REV3L: variants seen among roughly 807,000 people sequenced by gnomAD.
The protein encoded by REV3L is REV3 like, DNA directed polymerase zeta catalytic subunit.
Under a neutral mutation model 299.4 loss-of-function variants are expected in REV3L, and 69 were observed. The observed-to-expected ratio is 0.23, with a 90% confidence interval of 0.19 to 0.28. The LOEUF is 0.28. Among genes scored for constraint, REV3L ranks in the 10% least tolerant of loss-of-function variants. REV3L has a pLI of 1.00. For synonymous variants in REV3L, 1,238 were observed against 1,271.4 expected, an observed-to-expected ratio of 0.97 and a Z score of 0.56; for missense variants, 3,128 against 3,693.8, an observed-to-expected ratio of 0.85 and a Z score of 3.97.
intron 1 of REV3L, among the ~76,000 whole-genome samples, chr6:111,460,005 A>G (rs1790569846): frequency 6.6e-6 from 1 of 152,198 alleles, no homozygotes; most frequent in South Asian, 2.1e-4. Flanking sequence ...CAGCAAAGAC[A>G]TGGAATCAAC....
chr6:111,360,510 C>G (rs1778550131), intron 16 of REV3L: 3 of 127,628 alleles, frequency 2.4e-5, no homozygotes, highest in Non-Finnish European at 4.8e-5. Flanking sequence ...GGGTCTCTCT[C>G]TGTTGCCCAG....
At chr6:111,476,587 C>T (rs1792969053) in intron 1 of REV3L, among the ~76,000 whole-genome samples, 1 of 152,180 alleles carries the variant, frequency 6.6e-6, no homozygotes, top group Non-Finnish European at 1.5e-5. Context: ...ATAAGGGATG[C>T]TCAACCTATA....
At chr6:111,408,421 G>A (rs1467910346) in intron 3 of REV3L, among the ~76,000 whole-genome samples, 3 of 152,174 alleles carry the variant, frequency 2.0e-5, no homozygotes, top group Admixed American at 2.0e-4. Context: ...GGCCAAGATG[G>A]TGAAACCCCA....
Position 111,482,956 on chromosome 6 carries a change from TCCCTCCGCAGCGGCGGCGGCGCC to T in REV3L, c.-91_-69del, listed in dbSNP as rs998779795. On this transcript the variant is annotated 5_prime_UTR_variant, in exon 1 of 32. Coordinates refer to ENST00000368802, the MANE Select transcript of REV3L (RefSeq NM_001372078.1). The stretch of plus-strand genomic sequence containing the variant: ...CAGCGGCAGCAGCAGCGGCGGCGGC[TCCCTCCGCAGCGGCGGCGGCGCC>T]CCCTCCCCTTCTCGGCACGGCCCCC... The T allele has an allele frequency of 5.6e-6, 8 of 1,440,330 alleles. No individual in the cohort carries two copies. The highest frequency in any genetic ancestry group is 3.0e-5 in the South Asian group (2 of 67,720). The allele number at this position is 1,440,330 out of a possible 1,614,324, so 89.2% of individuals were successfully genotyped here.
chr6:111,423,992 C>G (rs1436977797), intron 1 of REV3L, among the ~76,000 whole-genome samples: 1 of 152,106 alleles, frequency 6.6e-6, no homozygotes, highest in Non-Finnish European at 1.5e-5. Flanking sequence ...AGAAAGAGAT[C>G]TGAGCTAGAG....
At chr6:111,338,531 G>T (rs1776172350) in intron 21 of REV3L, among the ~76,000 whole-genome samples, 2 of 150,232 alleles carry the variant, frequency 1.3e-5, no homozygotes, top group African/African-American at 4.9e-5. Flanking sequence ...ATATAATATA[G>T]TTAATATACA....
intron 1 of REV3L, among the ~76,000 whole-genome samples, chr6:111,437,389 T>C (rs546091046): frequency 7.9e-5 from 12 of 152,080 alleles, no homozygotes; most frequent in East Asian, 1.9e-4. Context: ...ATCCAGAAAA[T>C]AGAATATTAT....
At chr6:111,344,104 C>T in intron 20 of REV3L, 61 bp from the exon 21 acceptor site, 1 of 1,072,178 alleles carries the variant, frequency 9.3e-7, no homozygotes, top group Non-Finnish European at 1.4e-6. Context: ...AAATTTGGTT[C>T]TAAAAGATAC....
rs768952847 is a variant in REV3L at position 111,390,115 on chromosome 6, G to C, written c.728C>G (p.Ala243Gly). Residue 243 changes from alanine to glycine, a missense_variant, in exon 6 of 32, where the codon GCT (alanine) becomes GGT (glycine). Around this residue, in one of 9 missense-constraint regions of REV3L, gnomAD observed 2,409 missense variants for 2,611.8 expected, o/e 0.92. Coordinates refer to ENST00000368802, the MANE Select transcript of REV3L (RefSeq NM_001372078.1). ...AATGTCCAGACGATTTAAGATATCAGCAGCTACAGCATCCACTTCTAATTC... is the reference window on the plus strand; with the variant it reads ...AATGTCCAGACGATTTAAGATATCACCAGCTACAGCATCCACTTCTAATTC... ...TCELEVDAVAADILNRLDIEA... is the reference protein window; with the variant it reads ...TCELEVDAVAGDILNRLDIEA... 6.2e-7 allele frequency: 1 copy of C among 1,609,298 alleles called. No individual in the cohort carries two copies. The highest frequency in any genetic ancestry group is 8.5e-7 in the Non-Finnish European group (1 of 1,175,856).
At chr6:111,458,014 A>T (rs1790344436) in intron 1 of REV3L, among the ~76,000 whole-genome samples, 1 of 151,752 alleles carries the variant, frequency 6.6e-6, no homozygotes, top group Non-Finnish European at 1.5e-5. Flanking sequence ...CAAATGACAA[A>T]AATATGTAAT....
chr6:111,393,934 T>C (rs1582825376), intron 4 of REV3L, among the ~76,000 whole-genome samples: 1 of 152,182 alleles, frequency 6.6e-6, no homozygotes, highest in South Asian at 2.1e-4. Flanking sequence ...ATTCTATCCA[T>C]GTGGCTGCAA....
chr6:111,389,900 C>T (rs1208237182), intron 6 of REV3L, among the ~76,000 whole-genome samples, 186 bp downstream of exon 6: 2 of 151,882 alleles, frequency 1.3e-5, no homozygotes, highest in Non-Finnish European at 1.5e-5. Context: ...CCACACTCAG[C>T]TAATTTATTT....
chr6:111,431,201 C>A, intron 1 of REV3L: 1 of 1,565,680 alleles, frequency 6.4e-7, no homozygotes, highest in African/African-American at 1.4e-5. Context: ...TCTGTGATGG[C>A]AGATAGTTTA....
At chr6:111,475,794 C>A (rs1007190302) in intron 1 of REV3L, among the ~76,000 whole-genome samples, 1 of 152,168 alleles carries the variant, frequency 6.6e-6, no homozygotes, top group African/African-American at 2.4e-5. Context: ...TAAAATCCAG[C>A]AACCCAGTAT....
chr6:111,400,220 G>A (rs914850536), intron 4 of REV3L, among the ~76,000 whole-genome samples: 2 of 152,028 alleles, frequency 1.3e-5, no homozygotes, highest in African/African-American at 4.8e-5. Flanking sequence ...TACAGGTTTG[G>A]GTGGACCTAA....
intron 1 of REV3L, chr6:111,431,578 C>A (rs1786932579): frequency 1.3e-6 from 1 of 771,806 alleles, no homozygotes; most frequent in Admixed American, 2.0e-5. Flanking sequence ...CAGAGAAATG[C>A]ATCTCACTGA....
intron 31 of REV3L, among the ~76,000 whole-genome samples, chr6:111,305,208 TG>T (rs1772140857): frequency 6.6e-6 from 1 of 152,120 alleles, no homozygotes; most frequent in Admixed American, 6.6e-5. Context: ...CCGAAAGTGC[TG>T]GGATTTGTAG....
intron 19 of REV3L, among the ~76,000 whole-genome samples, chr6:111,350,358 T>C (rs951957821): frequency 2.0e-5 from 3 of 152,132 alleles, no homozygotes; most frequent in African/African-American, 4.8e-5. Flanking sequence ...ATGTAACATA[T>C]ACTCTGGTGA....
chr6:111,449,436 C>CT (rs1480019564), intron 1 of REV3L, among the ~76,000 whole-genome samples: 2 of 152,092 alleles, frequency 1.3e-5, no homozygotes, highest in African/African-American at 4.8e-5. Flanking sequence ...AGAGGGTTCC[C>CT]TCAAGGTTTT....
Sources: gnomAD v4.1 joint callset for allele counts (sites outside exome capture counted in the v4.1 genomes callset) on GRCh38, gnomAD v4.1.1 for gene constraint, gnomAD v4.1.1 regional missense constraint, MANE v1.5 for transcripts, NCBI Gene and HGNC (gene_info 2026-07-23, HGNC 2026-07-21) for gene names.